Variants in PDE12 observed in about 807,000 individuals in gnomAD.
PDE12 encodes phosphodiesterase 12, also known as 2',5'-phosphodiesterase 12.
In PDE12, 26 loss-of-function variants were observed where a neutral mutation model predicts 45.4. That is an observed-to-expected ratio of 0.57 (90% CI 0.42 to 0.79). PDE12 has a LOEUF of 0.79. Ranked by LOEUF, PDE12 falls within the 30% of genes least tolerant of loss-of-function variation. The pLI is 0.00. For missense variants in PDE12, 668 were observed against 790.0 expected (o/e 0.85, Z 1.85); for synonymous variants, 283 against 323.9 (o/e 0.87, Z 1.36).
At chr3:57,594,968 G>A in the PDE12 span, among the ~76,000 whole-genome samples, 1 of 152,154 alleles carries the variant, frequency 6.6e-6, no homozygotes, top group Non-Finnish European at 1.5e-5. Flanking sequence ...TGTGACTGAA[G>A]TGTTTTTTAG....
At chr3:57,559,235 A>T (rs2069700038) in intron 1 of PDE12, 75 bp from the exon 2 acceptor site, 1 of 1,224,674 alleles carries the variant, frequency 8.2e-7, no homozygotes, top group Admixed American at 1.9e-5. Context: ...ACTCAAAAAA[A>T]CAAACAAACA....
In PDE12 at chr3:57,565,951, GT is replaced by G. The variant is rs2069782961; in HGVS notation, c.*5951del. 1.3e-5 allele frequency: 2 copies of G among 152,154 alleles called. No homozygotes were observed. Among genetic ancestry groups the G allele is most frequent in the African/African-American group, 4.8e-5 (2 of 41,432 alleles). The allele number at this position is 152,154 out of a possible 1,614,324, so 9.4% of individuals were successfully genotyped here. A position where few individuals can be genotyped will look rare whatever the true frequency, so the allele number is the denominator to read the frequency against. Reference sequence around the variant, plus strand: ...TTCCTCAGAAAAGCTGGGCTATAGTGTTTTGGGTATCTTAAACCAAGAAAGG... The same window carrying G: ...TTCCTCAGAAAAGCTGGGCTATAGTGTTTGGGTATCTTAAACCAAGAAAGG... On this transcript the variant is annotated 3_prime_UTR_variant, in exon 3 of 3. Coordinates refer to ENST00000311180, the MANE Select transcript of PDE12 (RefSeq NM_177966.7).
At chr3:57,613,346 T>G in the PDE12 span, among the ~76,000 whole-genome samples, 1 of 146,000 alleles carries the variant, frequency 6.8e-6, no homozygotes, top group South Asian at 2.1e-4. Context: ...CAGGCTAGAG[T>G]GCAGTGGCAC....
the PDE12 span, among the ~76,000 whole-genome samples, chr3:57,580,498 C>G: frequency 3.9e-5 from 6 of 152,124 alleles, no homozygotes; most frequent in Non-Finnish European, 8.8e-5. Flanking sequence ...AACTCCTGTG[C>G]TCAGGTGATC....
At chr3:57,603,876 C>G in the PDE12 span, among the ~76,000 whole-genome samples, 1 of 152,052 alleles carries the variant, frequency 6.6e-6, no homozygotes, top group Non-Finnish European at 1.5e-5. Flanking sequence ...CCCATCTCAG[C>G]CTCCCAAAGT....
the PDE12 span, among the ~76,000 whole-genome samples, chr3:57,631,536 A>G: frequency 6.6e-6 from 1 of 151,916 alleles, no homozygotes. Context: ...CTTACTGAGC[A>G]ACTATAGGCC....
At chr3:57,558,584 G>A (rs2069691539) in intron 1 of PDE12, among the ~76,000 whole-genome samples, 1 of 152,048 alleles carries the variant, frequency 6.6e-6, no homozygotes, top group Admixed American at 6.6e-5. Flanking sequence ...TCCGCCTCCC[G>A]GGTTCAAGCG....
At chr3:57,611,481 T>C in the PDE12 span, among the ~76,000 whole-genome samples, 1 of 152,028 alleles carries the variant, frequency 6.6e-6, no homozygotes, top group Admixed American at 6.6e-5. Context: ...TGCAATCTAC[T>C]CATCTGACAA....
chr3:57,592,236 C>T, the PDE12 span, among the ~76,000 whole-genome samples: 4 of 152,116 alleles, frequency 2.6e-5, no homozygotes, highest in East Asian at 1.9e-4. Context: ...TGCCTGTAAT[C>T]GCAGCACTTT....
the PDE12 span, chr3:57,597,431 C>A: frequency 3.7e-6 from 1 of 272,386 alleles, no homozygotes; most frequent in South Asian, 4.9e-5. Flanking sequence ...GGCCCGGCCC[C>A]TCCAACGCGG....
Position 57,564,706 on chromosome 3 carries a change from C to T in PDE12, c.*4702C>T, listed in dbSNP as rs2069763132. On this transcript the variant is annotated 3_prime_UTR_variant, in exon 3 of 3. Transcript: ENST00000311180. ...TTGAGACAGGGTCTGGCTTTGTCAC[C>T]CAGGCTTGGAGGGCACTGGTGCCAT... is the stretch of plus-strand genomic sequence containing the variant. 6.6e-6 allele frequency: 1 copy of T among 151,870 alleles called. No individual in the cohort carries two copies. The highest frequency in any genetic ancestry group is 2.4e-5 in the African/African-American group (1 of 41,306). The allele number at this position is 151,870 out of a possible 1,614,324, so 9.4% of individuals were successfully genotyped here. A position where few individuals can be genotyped will look rare whatever the true frequency, so the allele number is the denominator to read the frequency against.
At chr3:57,608,916 C>T in the PDE12 span, among the ~76,000 whole-genome samples, 1 of 152,118 alleles carries the variant, frequency 6.6e-6, no homozygotes. Context: ...ACTGTCCACC[C>T]CAAATTAACA....
At chr3:57,567,406 A>T (rs1271330247), downstream of PDE12, among the ~76,000 whole-genome samples, 1 of 152,170 alleles carries the variant, frequency 6.6e-6, no homozygotes, top group Non-Finnish European at 1.5e-5. Context: ...CCTCTAACAC[A>T]TGAAGCCATA....
At chr3:57,584,037 G>T in the PDE12 span, 1 of 1,394,260 alleles carries the variant, frequency 7.2e-7, no homozygotes, top group Non-Finnish European at 1.0e-6. Flanking sequence ...TGACCGCTGT[G>T]CAGCGTCATT....
intron 1 of PDE12, among the ~76,000 whole-genome samples, chr3:57,558,887 G>A (rs2069695413): frequency 1.3e-5 from 2 of 152,078 alleles, no homozygotes; most frequent in South Asian, 4.1e-4. Flanking sequence ...AGTTCATCAA[G>A]GGAAGGAGAT....
chr3:57,605,213 C>A, the PDE12 span, among the ~76,000 whole-genome samples: 1 of 152,022 alleles, frequency 6.6e-6, no homozygotes, highest in African/African-American at 2.4e-5. Context: ...AGTCTTTGAG[C>A]CGAGAGTCTA....
At chr3:57,651,330 A>AT in the PDE12 span, among the ~76,000 whole-genome samples, 1 of 152,220 alleles carries the variant, frequency 6.6e-6, no homozygotes, top group Non-Finnish European at 1.5e-5. Context: ...CCCCCTTATA[A>AT]GTCTAGGAGC....
At chr3:57,597,705 G>A in the PDE12 span, 1 of 153,426 alleles carries the variant, frequency 6.5e-6, no homozygotes, top group Non-Finnish European at 1.5e-5. Context: ...GTATTGTCGG[G>A]GTGATAGTCC....
chr3:57,603,454 C>T, the PDE12 span, among the ~76,000 whole-genome samples: 1 of 151,894 alleles, frequency 6.6e-6, no homozygotes, highest in Admixed American at 6.6e-5. Context: ...TCTTGTGCCT[C>T]AGCCTCAAGA....
Sources: gnomAD v4.1 joint callset for allele counts (sites outside exome capture counted in the v4.1 genomes callset) on GRCh38, gnomAD v4.1.1 for gene constraint, MANE v1.5 for transcripts, NCBI Gene and HGNC (gene_info 2026-07-23, HGNC 2026-07-21) for gene names.